Variants in STXBP5L observed in about 807,000 individuals in gnomAD.
STXBP5L encodes syntaxin binding protein 5L, also known as syntaxin-binding protein 5-like.
A neutral mutation model predicts 144.5 loss-of-function variants in STXBP5L; 65 were observed. That is an observed-to-expected ratio of 0.45 (90% CI 0.37 to 0.55). The LOEUF is 0.55. Among genes scored for constraint, STXBP5L ranks in the 20% least tolerant of loss-of-function variants. STXBP5L has a pLI of 0.00. For synonymous variants in STXBP5L, 505 were observed against 469.6 expected (o/e 1.08, Z -0.97); for missense variants, 1,298 against 1,405.5 (o/e 0.92, Z 1.22).
rs2047305029 is a variant in STXBP5L at position 121,418,974 on chromosome 3, A to G, written c.3448-82A>G. ...ATTATAAGTTTTGAGATAGATTTGC[A>G]TGATTAGCTCAAAATGGCCTTGCTT... On this transcript the variant is annotated intron_variant, in intron 26 of 26. Transcript: ENST00000471454. 39 of 1,417,296 alleles carry G rather than the reference A, an allele frequency of 2.8e-5. No homozygotes were observed. The South Asian group carries it at 5.1e-4, about 18-fold the overall frequency. 87.8% of individuals were successfully genotyped at this position (1,417,296 alleles called of 1,614,324 possible).
chr3:121,015,191 A>T (rs1333401632), intron 3 of STXBP5L, among the ~76,000 whole-genome samples: 2 of 152,150 alleles, frequency 1.3e-5, no homozygotes, highest in African/African-American at 4.8e-5. Context: ...AAACTCTTTA[A>T]CAAAATAGCA....
intron 20 of STXBP5L, among the ~76,000 whole-genome samples, chr3:121,336,906 A>G (rs1282167859): frequency 1.2e-4 from 18 of 152,226 alleles, no homozygotes; most frequent in Non-Finnish European, 8.8e-5. Context: ...TACACCATGG[A>G]ATACCACACA....
chr3:121,304,377 T>C (rs1487981478), intron 19 of STXBP5L, among the ~76,000 whole-genome samples: 4 of 152,142 alleles, frequency 2.6e-5, no homozygotes, highest in Non-Finnish European at 4.4e-5. Context: ...CTTGGCCAGA[T>C]TGATCTAATA....
intron 20 of STXBP5L, among the ~76,000 whole-genome samples, chr3:121,351,319 A>T (rs934277706): frequency 1.3e-5 from 2 of 152,072 alleles, no homozygotes; most frequent in Non-Finnish European, 2.9e-5. Flanking sequence ...TTCCTCTGGA[A>T]GTTTTGTCTC....
intron 5 of STXBP5L, among the ~76,000 whole-genome samples, chr3:121,048,744 G>A (rs944328344): frequency 1.3e-5 from 2 of 150,328 alleles, no homozygotes; most frequent in African/African-American, 4.9e-5. Flanking sequence ...GGAGTGCAGT[G>A]GCACAATCTT....
chr3:121,166,461 G>C (rs552455409), intron 9 of STXBP5L, among the ~76,000 whole-genome samples: 1 of 151,802 alleles, frequency 6.6e-6, no homozygotes, highest in African/African-American at 2.4e-5. Context: ...TCTATAATTA[G>C]TTTTTGTTTC....
rs144377642 is a variant in STXBP5L, at chr3:120,963,000, T to A, written c.287+7963T>A. 5.4e-3 allele frequency among the ~76,000 whole-genome samples: 827 copies of A among 152,286 alleles called. 3 individuals are homozygous for A. The highest frequency in any genetic ancestry group is 0.014 in the Middle Eastern group (4 of 294). On this transcript the variant is annotated intron_variant, in intron 3 of 26. Transcript: ENST00000471454. ...TCAAGAAGTCCTTCACATCCCTTGT[T>A]AGTTGGATTCCTAGGTATTTTATTC...
intron 22 of STXBP5L, among the ~76,000 whole-genome samples, chr3:121,395,559 GGAGCA>G (rs1279325731): frequency 6.6e-6 from 1 of 152,104 alleles, no homozygotes; most frequent in Non-Finnish European, 1.5e-5. Flanking sequence ...CTCAATTATA[GGAGCA>G]GATTTATTAT....
chr3:121,222,697 G>A (rs1577247566), intron 10 of STXBP5L, among the ~76,000 whole-genome samples: 1 of 150,360 alleles, frequency 6.7e-6, no homozygotes, highest in African/African-American at 2.5e-5. Context: ...AGTAAAGTAC[G>A]TGAAGATGTC....
chr3:120,967,044 T>C (rs1451820618), intron 3 of STXBP5L, among the ~76,000 whole-genome samples: 1 of 152,062 alleles, frequency 6.6e-6, no homozygotes, highest in Non-Finnish European at 1.5e-5. Flanking sequence ...GCTTGGCAGA[T>C]CAACCTCAGA....
At chr3:121,077,526 G>T (rs1449943559) in intron 5 of STXBP5L, among the ~76,000 whole-genome samples, 1 of 152,102 alleles carries the variant, frequency 6.6e-6, no homozygotes, top group East Asian at 1.9e-4. Context: ...GTGAGCAGCA[G>T]CAAGATTATT....
Position 121,407,404 on chromosome 3 carries a change from T to A in STXBP5L, c.2749T>A (p.Ser917Thr). 6.2e-7 allele frequency: 1 copy of A among 1,613,126 alleles called. No homozygotes were observed. ...RKVVMNSSSA[S>T]QEIGDHQYTI... is the part of the protein sequence containing the mutation. Reference sequence around the variant, plus strand: ...AGTGGTAATGAACTCATCTTCTGCATCCCAAGAAATAGGAGATCATCAGTA... The same window carrying A: ...AGTGGTAATGAACTCATCTTCTGCAACCCAAGAAATAGGAGATCATCAGTA... The change falls in exon 23 of 27, where the codon TCC becomes ACC. Residue 917 changes from serine to threonine, a missense_variant. Ser to Thr is a moderately conservative substitution (Grantham distance 58). Coordinates refer to ENST00000471454, the MANE Select transcript of STXBP5L (RefSeq NM_001308330.2).
intron 12 of STXBP5L, among the ~76,000 whole-genome samples, chr3:121,234,451 G>A (rs1009444723): frequency 7.9e-5 from 12 of 152,020 alleles, no homozygotes; most frequent in African/African-American, 2.9e-4. Flanking sequence ...ACATATTCTA[G>A]TATGGGCTCT....
At position 121,216,046 on chromosome 3, in the gene STXBP5L, C is replaced by T. The variant is rs72968012; in HGVS notation, c.957-6957C>T. On this transcript the variant is annotated intron_variant, in intron 10 of 26. Transcript: ENST00000471454. Reference sequence around the variant, plus strand: ...GTGCTATGTTTTTCAGCTCCAAGGTCATTTATCTTCTTCTCTAAACTGGTT... The same window carrying T: ...GTGCTATGTTTTTCAGCTCCAAGGTTATTTATCTTCTTCTCTAAACTGGTT... 2.5e-3 allele frequency among the ~76,000 whole-genome samples: 381 copies of T among 152,106 alleles called. 2 individuals are homozygous for T. The highest frequency in any genetic ancestry group is 8.6e-3 in the African/African-American group (358 of 41,560).
intron 20 of STXBP5L, among the ~76,000 whole-genome samples, chr3:121,319,070 T>C (rs1318596698): frequency 6.6e-6 from 1 of 152,168 alleles, no homozygotes; most frequent in African/African-American, 2.4e-5. Flanking sequence ...TTCCTAGGGA[T>C]AAATCTTTAA....
intron 3 of STXBP5L, among the ~76,000 whole-genome samples, chr3:121,003,294 C>T (rs561119074): frequency 6.7e-6 from 1 of 150,028 alleles, no homozygotes; most frequent in African/African-American, 2.5e-5. Context: ...ATTTACATTT[C>T]TCTGATGGCC....
At chr3:120,981,463 G>C (rs1439044287) in intron 3 of STXBP5L, among the ~76,000 whole-genome samples, 2 of 151,892 alleles carry the variant, frequency 1.3e-5, no homozygotes, top group Admixed American at 6.6e-5. Context: ...GTTTTTGTTT[G>C]TTCTAGCCTA....
At chr3:121,380,121 C>G (rs922048145) in intron 21 of STXBP5L, among the ~76,000 whole-genome samples, 16 of 152,134 alleles carry the variant, frequency 1.1e-4, no homozygotes, top group Non-Finnish European at 1.8e-4. Flanking sequence ...AGAAGTAGCA[C>G]TCTCAATCAC....
intron 19 of STXBP5L, among the ~76,000 whole-genome samples, chr3:121,311,567 A>C (rs560159047): frequency 7.9e-5 from 12 of 152,350 alleles, no homozygotes; most frequent in Admixed American, 7.2e-4. Context: ...CAGAGAGCCA[A>C]ATCATGAGTG....
Sources: gnomAD v4.1 joint callset for allele counts (sites outside exome capture counted in the v4.1 genomes callset) on GRCh38, gnomAD v4.1.1 for gene constraint, MANE v1.5 for transcripts, NCBI Gene and HGNC (gene_info 2026-07-23, HGNC 2026-07-21) for gene names.